SFPQ: variants seen among roughly 807,000 people sequenced by gnomAD.
SFPQ encodes splicing factor proline and glutamine rich.
A neutral mutation model predicts 72.9 loss-of-function variants in SFPQ; 11 were observed. The ratio of observed to expected loss-of-function variants is 0.15; its 90% confidence interval spans 0.09 to 0.25. The LOEUF (loss-of-function observed/expected upper bound fraction) is 0.25. Ranked by LOEUF, SFPQ falls within the 10% of genes least tolerant of loss-of-function variation. SFPQ has a pLI of 1.00. For synonymous variants in SFPQ, 506 were observed against 367.3 expected, an observed-to-expected ratio of 1.38 and a Z score of -4.32; for missense variants, 847 against 993.3, an observed-to-expected ratio of 0.85 and a Z score of 1.98.
At chr1:35,187,349 TAAAGTTCA>T in intron 7 of SFPQ, 98 bp from the exon 8 acceptor site, 1 of 1,117,908 alleles carries the variant, frequency 8.9e-7, no homozygotes, top group Non-Finnish European at 1.4e-6. Context: ...AAAAACATGG[TAAAGTTCA>T]AAAGTTCATC....
At chr1:35,179,726 C>G, downstream of SFPQ, 1 of 1,057,182 alleles carries the variant, frequency 9.5e-7, no homozygotes, top group Non-Finnish European at 1.1e-6. Context: ...ACCCCCCACC[C>G]CAATAAAGTT....
chr1:35,190,777 C>T lies in SFPQ; in HGVS notation c.1236G>A (p.Gly412=), dbSNP rs1639958381. The change falls in exon 3 of 10, where the codon GGG becomes GGA. Residue 412 remains glycine, a synonymous_variant. Coordinates refer to ENST00000357214, the MANE Select transcript of SFPQ (RefSeq NM_005066.3). ...VIVDDRGRST[G]KGIVEFASKP... Reference sequence around the variant, plus strand: ...TAGAAGCAAATTCAACAATGCCTTTCCCTGTAGATCTTCCACGATCATCCA... The same window carrying T: ...TAGAAGCAAATTCAACAATGCCTTTTCCTGTAGATCTTCCACGATCATCCA... The T allele has an allele frequency of 1.2e-6, 2 of 1,614,212 alleles. No homozygotes were observed. The highest frequency in any genetic ancestry group is 1.7e-5 in the Admixed American group (1 of 60,022).
At chr1:35,191,219 G>C (rs1473659952) in intron 2 of SFPQ, 122 bp downstream of exon 2, 8 of 916,696 alleles carry the variant, frequency 8.7e-6, no homozygotes, top group East Asian at 5.2e-5. Flanking sequence ...TGTAAGAATG[G>C]TGAAAAATCT....
Position 35,192,475 on chromosome 1 carries a change from G to C in SFPQ, c.575C>G (p.Pro192Arg). The C allele has an allele frequency of 3.7e-6, 5 of 1,334,952 alleles. No homozygotes were observed. The highest frequency in any genetic ancestry group is 4.8e-6 in the Non-Finnish European group (5 of 1,050,048). 82.7% of individuals were successfully genotyped at this position (1,334,952 alleles called of 1,614,324 possible). A position where few individuals can be genotyped will look rare whatever the true frequency, so the allele number is the denominator to read the frequency against. ...GGPPPPPAAV[P>R]GPGPGPKQGP... ...CTGCTTAGGCCCTGGACCCGGGCCC[G>C]GGACTGCCGCGGGCGGAGGCGGCGG... Residue 192 changes from proline to arginine, a missense_variant, in exon 1 of 10, where the codon CCG (proline) becomes CGG (arginine). By Grantham distance (103) the Pro-to-Arg change is moderately radical (BLOSUM62 -2). Around this residue, in one of 6 missense-constraint regions of SFPQ, gnomAD observed 498 missense variants for 405.1 expected, o/e 1.23. Coordinates refer to ENST00000357214, the MANE Select transcript of SFPQ (RefSeq NM_005066.3).
In SFPQ at chr1:35,190,843, G is replaced by A. The variant is rs1405087764; in HGVS notation, c.1170C>T (p.Ala390=). 11 of 1,614,152 alleles carry A rather than the reference G, an allele frequency of 6.8e-6. No homozygotes were observed. Among genetic ancestry groups the A allele is most frequent in the Non-Finnish European group, 9.3e-6 (11 of 1,180,036 alleles). The change falls in exon 3 of 10, where the codon GCC becomes GCT. Residue 390 remains alanine, a synonymous_variant. Transcript: ENST00000357214. ...PYVSNELLEE[A]FSQFGPIERA... is the part of the protein sequence containing the mutation. ...TTTCAATAGGACCAAATTGGCTAAA[G>A]GCTTCTTCCAACAGTTCATTGGAAA...
Position 35,188,019 on chromosome 1 carries a change from C to T in SFPQ, c.1769G>A (p.Arg590Lys). Residue 590 changes from arginine (R) to lysine (K), a missense_variant, in exon 7 of 10, where the codon AGG becomes AAG. Transcript: ENST00000357214. ...GCTGTAACTTTCCTCTCTTTGGCGC[C>T]TCATTTGTTCTTCCATCTCACGTTG... ...IRQREMEEQM[R>K]RQREESYSRM... is the part of the protein sequence containing the mutation. The T allele has an allele frequency of 6.2e-7, 1 of 1,614,158 alleles. No individual in the cohort carries two copies. Among genetic ancestry groups the T allele is most frequent in the Non-Finnish European group, 8.5e-7 (1 of 1,180,014 alleles).
At chr1:35,188,665 G>T (rs1639846526) in intron 6 of SFPQ, among the ~76,000 whole-genome samples, 1 of 151,948 alleles carries the variant, frequency 6.6e-6, no homozygotes, top group African/African-American at 2.4e-5. Flanking sequence ...AAAAAAGGAA[G>T]AAAAAAAATG....
chr1:35,189,520 A>C, intron 4 of SFPQ, 138 bp from the exon 5 acceptor site: 1 of 601,600 alleles, frequency 1.7e-6, no homozygotes. Context: ...TCATCTATAA[A>C]TATCTTCACA....
rs200887038 is a variant in SFPQ, at chr1:35,189,135, G to A, written c.1613-48C>T. ...ATTCACATTAACAAGGTTCTAATAAGGTGAAAAACAATTGACCTTAGCAAT... is the reference window on the plus strand; with the variant it reads ...ATTCACATTAACAAGGTTCTAATAAAGTGAAAAACAATTGACCTTAGCAAT... On this transcript the variant is annotated intron_variant, in intron 5 of 9. Coordinates refer to ENST00000357214, the MANE Select transcript of SFPQ (RefSeq NM_005066.3). 51 of 1,613,200 alleles carry A rather than the reference G, an allele frequency of 3.2e-5. No individual in the cohort carries two copies. In the East Asian group the frequency reaches 1.0e-3, roughly 32 times the overall value.
chr1:35,180,807 GTA>G, downstream of SFPQ: 1 of 985,360 alleles, frequency 1.0e-6, no homozygotes, highest in Non-Finnish European at 1.2e-6. Flanking sequence ...TAGTTCCCAA[GTA>G]TAGTTTAGTT....
chr1:35,192,306 G>T lies in SFPQ; in HGVS notation c.744C>A (p.His248Gln). ...GGEPRGGRQH[H>Q]PPYHQQHHQG... Reference sequence around the variant, plus strand: ...GGTGATGCTGCTGGTGGTAGGGCGGGTGGTGCTGGCGGCCCCCGCGGGGCT... The same window carrying T: ...GGTGATGCTGCTGGTGGTAGGGCGGTTGGTGCTGGCGGCCCCCGCGGGGCT... Residue 248 changes from histidine (H) to glutamine (Q), a missense_variant, in exon 1 of 10, where the codon CAC becomes CAA. Physicochemically the swap from His to Gln is conservative, Grantham distance 24. Around this residue, in one of 6 missense-constraint regions of SFPQ, gnomAD observed 498 missense variants for 405.1 expected, o/e 1.23. Transcript: ENST00000357214. The T allele has an allele frequency of 6.9e-7, 1 of 1,449,794 alleles. No homozygotes were observed. Among genetic ancestry groups the T allele is most frequent in the Non-Finnish European group, 9.0e-7 (1 of 1,111,304 alleles). 89.8% of individuals were successfully genotyped at this position (1,449,794 alleles called of 1,614,324 possible).
chr1:35,180,281 G>C (rs991107307), downstream of SFPQ: 1 of 1,048,640 alleles, frequency 9.5e-7, no homozygotes, highest in African/African-American at 1.7e-5. Flanking sequence ...AACAACAGTT[G>C]ATGCAAAGTC....
At chr1:35,190,440 ATAAATT>A in intron 4 of SFPQ, 52 bp downstream of exon 4, 1 of 1,237,892 alleles carries the variant, frequency 8.1e-7, no homozygotes, top group South Asian at 1.3e-5. Flanking sequence ...AATCACTAAA[ATAAATT>A]TAACCTTTAC....
intron 7 of SFPQ, 39 bp downstream of exon 7, chr1:35,187,934 T>C (rs779089370): frequency 9.2e-6 from 12 of 1,299,082 alleles, no homozygotes; most frequent in Middle Eastern, 1.8e-4. Context: ...GCAAGTTCTA[T>C]AGACAACTCC....
downstream of SFPQ, chr1:35,178,411 C>G: frequency 1.9e-6 from 2 of 1,065,260 alleles, no homozygotes; most frequent in Non-Finnish European, 2.3e-6. Flanking sequence ...CATATGAAAG[C>G]ACATACCCTG....
rs115671852 is a variant in SFPQ, at chr1:35,183,904, C to A, written c.*552G>T. 758 of 1,051,674 alleles carry A rather than the reference C, an allele frequency of 7.2e-4. 7 individuals carry two copies. The African/African-American group carries it at 0.011, about 16-fold the overall frequency. 65.1% of individuals were successfully genotyped at this position (1,051,674 alleles called of 1,614,324 possible). A position where few individuals can be genotyped will look rare whatever the true frequency, so the allele number is the denominator to read the frequency against. On this transcript the variant is annotated 3_prime_UTR_variant, in exon 10 of 10. Coordinates refer to ENST00000357214, the MANE Select transcript of SFPQ (RefSeq NM_005066.3). ...AAAAATACTTAGCACCAGCGTGCTT[C>A]CTATATGCCAAACAAATCATCAAAC...
downstream of SFPQ, chr1:35,180,373 AG>A: frequency 9.7e-7 from 1 of 1,031,764 alleles, no homozygotes; most frequent in Non-Finnish European, 1.2e-6. Flanking sequence ...CCTAAAGCTA[AG>A]GGAACCAAAT....
At chr1:35,182,177 A>C, downstream of SFPQ, 1 of 985,288 alleles carries the variant, frequency 1.0e-6, no homozygotes, top group Non-Finnish European at 1.2e-6. Flanking sequence ...CCCCACCCAC[A>C]CACATTCAAA....
chr1:35,184,558 A>G lies in SFPQ; in HGVS notation c.2022T>C (p.Pro674=), dbSNP rs1424229177. The G allele has an allele frequency of 6.2e-7, 1 of 1,611,620 alleles. No homozygotes were observed. The highest frequency in any genetic ancestry group is 1.1e-5 in the South Asian group (1 of 90,684). ...TERFGQGGAG[P]VGGQGPRGMG... ...TTCCTCTAGGACCCTGTCCACCCAC[A>G]GGCCCCGCACCTCCCTGCCCAAAGC... The change falls in exon 10 of 10, where the codon CCT becomes CCC. Residue 674 remains proline, a synonymous_variant. Coordinates refer to ENST00000357214, the MANE Select transcript of SFPQ (RefSeq NM_005066.3).
Sources: allele counts gnomAD v4.1 joint callset (sites outside exome capture counted in the v4.1 genomes callset), GRCh38; gene constraint gnomAD v4.1.1; regional missense constraint gnomAD v4.1.1; transcripts MANE v1.5; gene names NCBI Gene and HGNC (gene_info 2026-07-23, HGNC 2026-07-21).